PCLO: variants seen among roughly 807,000 people sequenced by gnomAD.
PCLO encodes the protein piccolo presynaptic cytomatrix protein.
PCLO carries 82 observed loss-of-function variants against 427.5 expected under a neutral mutation model. The ratio of observed to expected loss-of-function variants is 0.19; its 90% confidence interval spans 0.16 to 0.23. The LOEUF (loss-of-function observed/expected upper bound fraction) is 0.23, where lower values mean the gene tolerates loss of function less well. PCLO is among the 10% of genes least tolerant of loss of function. The probability of loss-of-function intolerance (pLI) is 1.00; values close to 1 mark genes in which losing one functional copy is unlikely to be tolerated. For synonymous variants in PCLO, 2,357 were observed against 2,155.4 expected (o/e 1.09, Z -2.59); for missense variants, 6,239 against 6,115.9 (o/e 1.02, Z -0.67).
At position 83,016,130 on chromosome 7, in the gene PCLO, AC is replaced by A. The variant is rs1167570667; in HGVS notation, c.3301-49644del. 2.0e-5 allele frequency among the ~76,000 whole-genome samples: 3 copies of A among 152,170 alleles called. No individual in the cohort carries two copies. The East Asian group carries it at 5.8e-4, about 29-fold the overall frequency. On this transcript the variant is annotated intron_variant, in intron 3 of 24. Transcript: ENST00000333891. Reference sequence around the variant, plus strand: ...CACTGAGTTCCTCATGTAAGAAAGGACATGGCACAGGGTTGGACACCCACTA... The same window carrying A: ...CACTGAGTTCCTCATGTAAGAAAGGAATGGCACAGGGTTGGACACCCACTA...
In PCLO at chr7:82,950,247, C is replaced by G; in HGVS notation, c.10341G>C (p.Thr3447=). Residue 3447 remains threonine, a synonymous_variant, in exon 6 of 25, where the codon ACG becomes ACC. Transcript: ENST00000333891. ...TCCGATCTGTGGCATCTTCGTCATC[C>G]GTTTGTACACCACTGTCCACTATCT... ...FKKIVDSGVQ[T]DDEDATDRSY... is the part of the protein sequence containing the mutation. The G allele has an allele frequency of 6.2e-7, 1 of 1,612,998 alleles. No homozygotes were observed. The highest frequency in any genetic ancestry group is 1.7e-5 in the Admixed American group (1 of 59,852).
At chr7:82,829,920 T>A (rs557516674) in intron 16 of PCLO, among the ~76,000 whole-genome samples, 1 of 152,150 alleles carries the variant, frequency 6.6e-6, no homozygotes, top group African/African-American at 2.4e-5. Context: ...AAAGCCTCCA[T>A]ATGTCAAGAT....
intron 2 of PCLO, among the ~76,000 whole-genome samples, chr7:83,147,395 CA>C (rs1189992156): frequency 6.6e-6 from 1 of 151,980 alleles, no homozygotes; most frequent in East Asian, 1.9e-4. Flanking sequence ...CAGAGATTAT[CA>C]GAGAATTGCA....
intron 3 of PCLO, among the ~76,000 whole-genome samples, chr7:83,031,930 T>C (rs893345781): frequency 3.3e-5 from 5 of 152,162 alleles, no homozygotes; most frequent in South Asian, 2.1e-4. Context: ...GGACTACCCT[T>C]GATATGTCTG....
chr7:82,918,703 A>G (rs1246203512), intron 6 of PCLO, among the ~76,000 whole-genome samples: 4 of 152,006 alleles, frequency 2.6e-5, no homozygotes, highest in Non-Finnish European at 5.9e-5. Flanking sequence ...TAGATCTGGC[A>G]TATGCATAAG....
At position 82,951,115 on chromosome 7, in the gene PCLO, C is replaced by A. The variant is rs769409699; in HGVS notation, c.9473G>T (p.Gly3158Val). The change falls in exon 6 of 25, where the codon GGT (glycine) becomes GTT (valine). Residue 3158 changes from glycine (G) to valine (V), a missense_variant. Transcript: ENST00000333891. ...GASETDIAVT[G>V]IDISASLQTI... ...TTGCAAACTGGCACTGATATCAATACCAGTTACTGCAATGTCCGTTTCAGA... is the reference window on the plus strand; with the variant it reads ...TTGCAAACTGGCACTGATATCAATAACAGTTACTGCAATGTCCGTTTCAGA... 6.2e-7 allele frequency: 1 copy of A among 1,613,572 alleles called. No individual in the cohort carries two copies. Among genetic ancestry groups the A allele is most frequent in the Admixed American group, 1.7e-5 (1 of 60,002 alleles).
intron 3 of PCLO, among the ~76,000 whole-genome samples, chr7:83,017,186 G>C (rs1583911385): frequency 6.6e-6 from 1 of 152,106 alleles, no homozygotes; most frequent in Non-Finnish European, 1.5e-5. Context: ...TGAATTAGCA[G>C]TAGGAAGATC....
chr7:82,930,672 C>T (rs770082236), intron 6 of PCLO, among the ~76,000 whole-genome samples: 17 of 152,134 alleles, frequency 1.1e-4, no homozygotes, highest in Admixed American at 5.2e-4. Context: ...GAACCCTGGT[C>T]TCTGACTCCT....
At chr7:82,992,668 G>T (rs776442972) in intron 3 of PCLO, among the ~76,000 whole-genome samples, 2 of 151,870 alleles carry the variant, frequency 1.3e-5, no homozygotes, top group Non-Finnish European at 2.9e-5. Context: ...TAGATGACGG[G>T]TTCATAGGTG....
intron 18 of PCLO, 68 bp downstream of exon 18, chr7:82,826,521 C>A: frequency 2.0e-6 from 2 of 1,025,280 alleles, no homozygotes; most frequent in Non-Finnish European, 3.0e-6. Context: ...CAGAAACATG[C>A]TTTGCATCGT....
At chr7:82,892,616 A>T (rs1793797477) in intron 9 of PCLO, among the ~76,000 whole-genome samples, 1 of 152,068 alleles carries the variant, frequency 6.6e-6, no homozygotes. Context: ...ACAGCAAAAG[A>T]AACTACCATC....
chr7:82,887,619 GTC>G (rs1426072131), intron 9 of PCLO, among the ~76,000 whole-genome samples: 2 of 152,094 alleles, frequency 1.3e-5, no homozygotes, highest in Non-Finnish European at 2.9e-5. Flanking sequence ...CAAGCAATCT[GTC>G]AGGAGAAATG....
At chr7:82,870,195 A>G (rs1467263056) in intron 10 of PCLO, among the ~76,000 whole-genome samples, 1 of 152,082 alleles carries the variant, frequency 6.6e-6, no homozygotes, top group African/African-American at 2.4e-5. Flanking sequence ...AAAATATACT[A>G]CAATGGTATA....
chr7:83,043,598 A>G (rs1789024148), intron 3 of PCLO, among the ~76,000 whole-genome samples: 1 of 152,216 alleles, frequency 6.6e-6, no homozygotes, highest in Non-Finnish European at 1.5e-5. Context: ...GCAAATTAAC[A>G]GAGAACTCAA....
chr7:82,850,446 A>C (rs1792623436), intron 10 of PCLO, among the ~76,000 whole-genome samples: 1 of 152,176 alleles, frequency 6.6e-6, no homozygotes. Context: ...GTAATTCAAG[A>C]ACTTAGTATT....
At chr7:83,111,839 T>G (rs73180528) in intron 3 of PCLO, among the ~76,000 whole-genome samples, 6,325 of 152,290 alleles carry the variant, frequency 0.042, 160 homozygotes, top group South Asian at 0.072. Flanking sequence ...ACTTAATGTC[T>G]GCTTTTAAGG....
intron 10 of PCLO, among the ~76,000 whole-genome samples, chr7:82,861,077 C>G (rs1352003154): frequency 6.6e-6 from 1 of 151,710 alleles, no homozygotes; most frequent in African/African-American, 2.4e-5. Context: ...AAATAAACAA[C>G]AAAATGGCAG....
intron 3 of PCLO, among the ~76,000 whole-genome samples, chr7:83,121,760 T>C (rs571628610): frequency 6.6e-6 from 1 of 152,092 alleles, no homozygotes; most frequent in South Asian, 2.1e-4. Flanking sequence ...AGGAGAAAAG[T>C]ATGAAAAGAA....
chr7:82,950,747 T>A lies in PCLO; in HGVS notation c.9841A>T (p.Met3281Leu), dbSNP rs778601639. 6.2e-7 allele frequency: 1 copy of A among 1,613,746 alleles called. No homozygotes were observed. Among genetic ancestry groups the A allele is most frequent in the African/African-American group, 1.3e-5 (1 of 74,908 alleles). ...TGCTGAGCTAACGTCTCCTGCCTCA[T>A]CATGAACTGGGCTTGCCGCTCTTCT... ...QEEERQAQFM[M>L]RQETLAQQQL... Residue 3281 changes from methionine (M) to leucine (L), a missense_variant, in exon 6 of 25, where the codon ATG (methionine) becomes TTG (leucine). Around this residue, in one of 5 missense-constraint regions of PCLO, gnomAD observed 4,677 missense variants for 4,468.4 expected, o/e 1.05. Coordinates refer to ENST00000333891, the MANE Select transcript of PCLO (RefSeq NM_033026.6).
Sources: gnomAD v4.1 joint callset for allele counts (sites outside exome capture counted in the v4.1 genomes callset) on GRCh38, gnomAD v4.1.1 for gene constraint, gnomAD v4.1.1 regional missense constraint, MANE v1.5 for transcripts, NCBI Gene and HGNC (gene_info 2026-07-23, HGNC 2026-07-21) for gene names.